TM9SF3: variants seen among roughly 807,000 people sequenced by gnomAD.
The protein encoded by TM9SF3 is transmembrane 9 superfamily member 3, also known as SM-11044-binding protein.
Under a neutral mutation model 78.6 loss-of-function variants are expected in TM9SF3, and 14 were observed. The observed-to-expected ratio is 0.18, with a 90% CI of 0.12 to 0.28. The LOEUF (loss-of-function observed/expected upper bound fraction) is 0.28. Among genes scored for constraint, TM9SF3 ranks in the 10% least tolerant of loss-of-function variants. TM9SF3 has a pLI of 1.00. For missense variants in TM9SF3, 496 were observed against 721.9 expected (o/e 0.69, Z 3.59); for synonymous variants, 231 against 241.7 (o/e 0.96, Z 0.41).
intron 2 of TM9SF3, among the ~76,000 whole-genome samples, chr10:96,570,337 A>G: frequency 6.6e-6 from 1 of 152,224 alleles, no homozygotes; most frequent in East Asian, 1.9e-4. Context: ...AAAATACAAC[A>G]AAATGTTAAT....
chr10:96,553,100 C>T, intron 5 of TM9SF3, 41 bp from the exon 6 acceptor site: 1 of 1,531,494 alleles, frequency 6.5e-7, no homozygotes, highest in Non-Finnish European at 8.7e-7. Context: ...CCTGCAATAT[C>T]AGCCACAAAA....
In TM9SF3 at chr10:96,548,006, G is replaced by T. The variant is rs149485009; in HGVS notation, c.960-17C>A. On this transcript the variant is annotated splice_polypyrimidine_tract_variant and intron_variant, in intron 7 of 14. Transcript: ENST00000371142. ...GATCCCCTCCTAAAAAGGCAAAAAAGAAAAAAAAAATTAAAACCAACAATT... is the reference window on the plus strand; with the variant it reads ...GATCCCCTCCTAAAAAGGCAAAAAATAAAAAAAAAATTAAAACCAACAATT... The T allele has an allele frequency of 6.2e-6, 9 of 1,459,256 alleles. No homozygotes were observed. In the South Asian group the frequency reaches 1.2e-4, roughly 20 times the overall value. The allele number at this position is 1,459,256 out of a possible 1,614,324, so 90.4% of individuals were successfully genotyped here.
At chr10:96,545,990 C>T (rs1039611393) in intron 8 of TM9SF3, among the ~76,000 whole-genome samples, 1 of 152,228 alleles carries the variant, frequency 6.6e-6, no homozygotes, top group African/African-American at 2.4e-5. Context: ...ACACATTCCA[C>T]TGGGTACAAC....
Position 96,561,964 on chromosome 10 carries a change from A to G in TM9SF3, c.582+14T>C. 1 of 1,602,900 alleles carries G rather than the reference A, an allele frequency of 6.2e-7. No homozygotes were observed. The highest frequency in any genetic ancestry group is 1.1e-5 in the South Asian group (1 of 89,784). On this transcript the variant is annotated intron_variant, in intron 4 of 14. Coordinates refer to ENST00000371142, the MANE Select transcript of TM9SF3 (RefSeq NM_020123.4). The stretch of plus-strand genomic sequence containing the variant: ...CAAACACTACTTCCTACATTAAACT[A>G]TTTGAATACTTACTGAATATGACAT...
intron 9 of TM9SF3, among the ~76,000 whole-genome samples, chr10:96,537,996 C>A (rs970392182): frequency 7.2e-5 from 11 of 152,136 alleles, no homozygotes; most frequent in South Asian, 4.1e-4. Flanking sequence ...AATGTAATCA[C>A]AATCAAAACC....
Position 96,522,219 on chromosome 10 carries a change from T to C in TM9SF3, c.*44A>G. On this transcript the variant is annotated 3_prime_UTR_variant, in exon 15 of 15. Coordinates refer to ENST00000371142, the MANE Select transcript of TM9SF3 (RefSeq NM_020123.4). The stretch of plus-strand genomic sequence containing the variant: ...GTTTTTGCTGTGCAAGTTCCACCCC[T>C]ATGAAAAAGAAATTGATCCAAAGTT... 6.5e-7 allele frequency: 1 copy of C among 1,541,402 alleles called. No homozygotes were observed. The highest frequency in any genetic ancestry group is 8.9e-7 in the Non-Finnish European group (1 of 1,128,104).
rs1402723191 is a variant in TM9SF3 at position 96,519,991 on chromosome 10, C to T, written c.*2272G>A. The T allele has an allele frequency of 6.6e-6, 1 of 151,856 alleles. No homozygotes were observed. The highest frequency in any genetic ancestry group is 1.9e-4 in the East Asian group (1 of 5,196). The allele number at this position is 151,856 out of a possible 1,614,324, so 9.4% of individuals were successfully genotyped here. A position where few individuals can be genotyped will look rare whatever the true frequency, so the allele number is the denominator to read the frequency against. On this transcript the variant is annotated 3_prime_UTR_variant, in exon 15 of 15. Transcript: ENST00000371142. ...TAGAAAGAATTGGTGTACCTGAAAG[C>T]ATTTAACCCACACATTTTCAATAAA...
At chr10:96,586,649 C>G (rs1179116550) in intron 1 of TM9SF3, 85 bp downstream of exon 1, 4 of 1,125,258 alleles carry the variant, frequency 3.6e-6, no homozygotes, top group Middle Eastern at 3.4e-4. Context: ...ACCGGGCCGC[C>G]GGGCACTCCA....
chr10:96,545,411 T>C (rs1363140552), intron 8 of TM9SF3, among the ~76,000 whole-genome samples: 4 of 152,230 alleles, frequency 2.6e-5, no homozygotes, highest in Non-Finnish European at 5.9e-5. Flanking sequence ...TCCTGAGTTT[T>C]CTCTCCTGTT....
At chr10:96,525,581 C>T (rs189734711) in intron 14 of TM9SF3, among the ~76,000 whole-genome samples, 2 of 152,028 alleles carry the variant, frequency 1.3e-5, no homozygotes, top group Non-Finnish European at 2.9e-5. Flanking sequence ...AATAAGATTA[C>T]CATATCTTAT....
In TM9SF3 at chr10:96,521,209, A is replaced by G. The variant is rs1212040112; in HGVS notation, c.*1054T>C. ...TTTCATGCAATGGTAGGCAAGATGTAAAAGCCCACCCAAATCACACATTTC... is the reference window on the plus strand; with the variant it reads ...TTTCATGCAATGGTAGGCAAGATGTGAAAGCCCACCCAAATCACACATTTC... On this transcript the variant is annotated 3_prime_UTR_variant, in exon 15 of 15. Transcript: ENST00000371142. The G allele has an allele frequency of 3.6e-6, 1 of 278,898 alleles. No individual in the cohort carries two copies. The highest frequency in any genetic ancestry group is 6.7e-6 in the Non-Finnish European group (1 of 150,116). 17.3% of individuals were successfully genotyped at this position (278,898 alleles called of 1,614,324 possible).
At chr10:96,574,512 T>C (rs1044999870) in intron 2 of TM9SF3, among the ~76,000 whole-genome samples, 3 of 152,220 alleles carry the variant, frequency 2.0e-5, no homozygotes, top group African/African-American at 7.2e-5. Context: ...GAAGACAGTG[T>C]GGCAATTCCT....
chr10:96,563,916 A>C (rs947199099), intron 3 of TM9SF3, among the ~76,000 whole-genome samples: 5 of 151,958 alleles, frequency 3.3e-5, no homozygotes, highest in Non-Finnish European at 5.9e-5. Flanking sequence ...GGCATATTCT[A>C]AAATCCCAGG....
chr10:96,582,074 G>C (rs1848575875), intron 1 of TM9SF3, among the ~76,000 whole-genome samples: 1 of 151,774 alleles, frequency 6.6e-6, no homozygotes, highest in African/African-American at 2.4e-5. Flanking sequence ...AGTACTATTT[G>C]TGCCAAGCAC....
chr10:96,586,828 G>T lies in TM9SF3; in HGVS notation c.8C>A (p.Pro3Gln). The T allele has an allele frequency of 5.7e-6, 7 of 1,230,868 alleles. No individual in the cohort carries two copies. Among genetic ancestry groups the T allele is most frequent in the Non-Finnish European group, 7.1e-6 (7 of 988,780 alleles). The allele number at this position is 1,230,868 out of a possible 1,614,324, so 76.2% of individuals were successfully genotyped here. A position where few individuals can be genotyped will look rare whatever the true frequency, so the allele number is the denominator to read the frequency against. The change falls in exon 1 of 15, where the codon CCG (proline) becomes CAG (glutamine). Residue 3 changes from proline to glutamine, a missense_variant. Physicochemically the swap from Pro to Gln is moderately conservative, Grantham distance 76 (BLOSUM62 -1). Around this residue, in one of 4 missense-constraint regions of TM9SF3, gnomAD observed 58 missense variants for 32.9 expected, o/e 1.76. Transcript: ENST00000371142. Reference protein sequence around the residue: MRPLPGALGVAAA... With the variant: MRQLPGALGVAAA... ...CGCCACGCCAAGAGCGCCAGGCAGC[G>T]GCCTCATCCTCCGCGCCCCTCCGGC...
rs567092415 is a variant in TM9SF3, at chr10:96,541,170, C to T, written c.1185+2906G>A. On this transcript the variant is annotated intron_variant, in intron 9 of 14. Coordinates refer to ENST00000371142, the MANE Select transcript of TM9SF3 (RefSeq NM_020123.4). ...TGGTTCTTTGTCCTTTGGAATCCTACAATAAGATGAAAACTTAGGATCTGA... is the reference window on the plus strand; with the variant it reads ...TGGTTCTTTGTCCTTTGGAATCCTATAATAAGATGAAAACTTAGGATCTGA... 2.7e-4 allele frequency among the ~76,000 whole-genome samples: 41 copies of T among 151,694 alleles called. 1 individual carries two copies. In the South Asian group the frequency reaches 8.4e-3, roughly 31 times the overall value.
At chr10:96,570,117 C>G (rs770012676) in intron 2 of TM9SF3, among the ~76,000 whole-genome samples, 1 of 152,126 alleles carries the variant, frequency 6.6e-6, no homozygotes, top group South Asian at 2.1e-4. Context: ...AGTATGGGGA[C>G]AAGCTCATAA....
rs141500143 is a variant in TM9SF3 at position 96,561,843 on chromosome 10, AG to A, written c.582+134del. 3.3e-3 allele frequency: 2,518 copies of A among 761,820 alleles called. 40 individuals are homozygous for A. The African/African-American group carries it at 0.037, about 11-fold the overall frequency. The allele number at this position is 761,820 out of a possible 1,614,324, so 47.2% of individuals were successfully genotyped here. On this transcript the variant is annotated intron_variant, in intron 4 of 14. Coordinates refer to ENST00000371142, the MANE Select transcript of TM9SF3 (RefSeq NM_020123.4). ...TCAGGAGGCTTACTTACGTACACTG[AG>A]AAAATATAGTTTTAATAATATTCTG...
At chr10:96,584,728 T>C (rs774060957) in intron 1 of TM9SF3, among the ~76,000 whole-genome samples, 5 of 152,208 alleles carry the variant, frequency 3.3e-5, no homozygotes, top group Non-Finnish European at 7.3e-5. Context: ...CGAGAATCGC[T>C]TGAGCCCGCA....
Sources: allele counts gnomAD v4.1 joint callset (sites outside exome capture counted in the v4.1 genomes callset), GRCh38; gene constraint gnomAD v4.1.1; regional missense constraint gnomAD v4.1.1; transcripts MANE v1.5; gene names NCBI Gene and HGNC (gene_info 2026-07-23, HGNC 2026-07-21).